Variants in ATIC observed in about 807,000 individuals in gnomAD.
ATIC encodes bifunctional purine biosynthesis protein ATIC.
ATIC carries 64 observed loss-of-function variants against 72.5 expected under a neutral mutation model. The ratio of observed to expected loss-of-function variants is 0.88; its 90% confidence interval spans 0.72 to 1.09. The LOEUF is 1.09. Among genes scored for constraint, ATIC ranks in the 50% least tolerant of loss-of-function variants. ATIC has a pLI of 0.00. For synonymous variants in ATIC, 281 were observed against 267.1 expected, an observed-to-expected ratio of 1.05 and a Z score of -0.51; for missense variants, 787 against 732.4, an observed-to-expected ratio of 1.07 and a Z score of -0.86.
At chr2:215,332,858 A>G (rs769248503) in intron 8 of ATIC, among the ~76,000 whole-genome samples, 5 of 152,162 alleles carry the variant, frequency 3.3e-5, no homozygotes, top group Non-Finnish European at 5.9e-5. Context: ...TTTATCTGAA[A>G]CTTCTTATAG....
the ATIC span, among the ~76,000 whole-genome samples, chr2:215,365,966 A>ATTTTTTTTTTTTTTTTTTTTTTTTTT: frequency 3.3e-5 from 3 of 90,354 alleles, no homozygotes; most frequent in Admixed American, 1.4e-4. Context: ...CCACAGTGCT[A>ATTTTTTTTTTTTTTTTTTTTTTTTTT]TTTTTTTTTT....
the ATIC span, chr2:215,364,663 T>A: frequency 1.7e-6 from 1 of 596,788 alleles, no homozygotes; most frequent in Non-Finnish European, 3.0e-6. Flanking sequence ...CATTCATTCA[T>A]TCTTTCTACT....
At chr2:215,352,656 A>G (rs1274624447), downstream of ATIC, among the ~76,000 whole-genome samples, 2 of 152,198 alleles carry the variant, frequency 1.3e-5, no homozygotes, top group African/African-American at 4.8e-5. Flanking sequence ...TTCAAGTATC[A>G]TACTAAAAGG....
the ATIC span, chr2:215,365,659 A>C: frequency 6.2e-7 from 1 of 1,612,952 alleles, no homozygotes; most frequent in African/African-American, 1.3e-5. Flanking sequence ...TCAGGACCAA[A>C]AAGTTATTTG....
At chr2:215,320,371 A>G (rs1261945907) in intron 4 of ATIC, among the ~76,000 whole-genome samples, 1 of 152,130 alleles carries the variant, frequency 6.6e-6, no homozygotes, top group Non-Finnish European at 1.5e-5. Context: ...AAGCTGGGTA[A>G]TTTATGAAAA....
chr2:215,350,311 A>G (rs559878629), downstream of ATIC, among the ~76,000 whole-genome samples: 1 of 152,014 alleles, frequency 6.6e-6, no homozygotes, highest in East Asian at 1.9e-4. Context: ...TAATTTTTGT[A>G]TTTAGTAGAG....
intron 11 of ATIC, among the ~76,000 whole-genome samples, chr2:215,338,186 A>G (rs184654879): frequency 1.8e-4 from 28 of 152,336 alleles, no homozygotes; most frequent in Admixed American, 1.2e-3. Context: ...TGTTCCACAC[A>G]CCTTAATGTT....
chr2:215,347,763 A>G, intron 14 of ATIC: 1 of 446,982 alleles, frequency 2.2e-6, no homozygotes, highest in South Asian at 1.7e-5. Context: ...TAGTCCTGAA[A>G]GAGTCCTGGA....
intron 7 of ATIC, among the ~76,000 whole-genome samples, chr2:215,328,583 T>C (rs901938224): frequency 3.9e-5 from 6 of 152,102 alleles, no homozygotes; most frequent in African/African-American, 1.2e-4. Flanking sequence ...AGGCCTCACC[T>C]CCTCAGAGAA....
rs756977049 is a variant in ATIC, at chr2:215,312,636, C to G, written c.146+12C>G. 2 of 1,614,120 alleles carry G rather than the reference C, an allele frequency of 1.2e-6. No homozygotes were observed. The highest frequency in any genetic ancestry group is 1.7e-6 in the Non-Finnish European group (2 of 1,180,020). On this transcript the variant is annotated intron_variant, in intron 2 of 15. Coordinates refer to ENST00000236959, the MANE Select transcript of ATIC (RefSeq NM_004044.7). Reference sequence around the variant, plus strand: ...GGTCTGGCAGTCAGGTAAGGCATAGCTAGTTCCATCAGAAAGGAGTGTGAT... The same window carrying G: ...GGTCTGGCAGTCAGGTAAGGCATAGGTAGTTCCATCAGAAAGGAGTGTGAT...
At chr2:215,353,549 TTTGTTG>T (rs370674352), downstream of ATIC, among the ~76,000 whole-genome samples, 1 of 152,074 alleles carries the variant, frequency 6.6e-6, no homozygotes, top group African/African-American at 2.4e-5. Context: ...TGTCTAAGGT[TTTGTTG>T]TTGTTGTTGT....
rs1575115659 is a variant in ATIC, at chr2:215,323,323, T to C, written c.291-1918T>C. Among the ~76,000 whole-genome samples the C allele has an allele frequency of 2.6e-5, 4 of 152,330 alleles. 1 individual carries two copies. Among genetic ancestry groups the C allele is most frequent in the Admixed American group, 2.6e-4 (4 of 15,302 alleles). On this transcript the variant is annotated intron_variant, in intron 4 of 15. Transcript: ENST00000236959. The stretch of plus-strand genomic sequence containing the variant: ...TTTCCACATGATTTTTAGAATCAGC[T>C]TGTCCATTTCTGCAAAACAACGCAG...
the ATIC span, chr2:215,361,195 C>G: frequency 3.7e-6 from 1 of 266,946 alleles, no homozygotes; most frequent in Non-Finnish European, 7.3e-6. Flanking sequence ...GTTTGGGTGA[C>G]TTTCCTACTT....
At chr2:215,318,125 C>T in intron 2 of ATIC, 32 bp from the exon 3 acceptor site, 18 of 1,575,302 alleles carry the variant, frequency 1.1e-5, no homozygotes, top group Non-Finnish European at 1.2e-5. Context: ...TCAGCCACAC[C>T]AGTAGTACCA....
At chr2:215,348,729 G>A (rs1575127189) in intron 14 of ATIC, 6 of 384,640 alleles carry the variant, frequency 1.6e-5, no homozygotes, top group Non-Finnish European at 3.0e-5. Flanking sequence ...TTGGGAGGCC[G>A]AGGTGAGTGG....
chr2:215,312,172 A>G lies in ATIC; in HGVS notation c.19+11A>G, dbSNP rs1325744321. On this transcript the variant is annotated intron_variant, in intron 1 of 15. Coordinates refer to ENST00000236959, the MANE Select transcript of ATIC (RefSeq NM_004044.7). ...CTCCCGGCCAGCTCGGTGAGGCCCT[A>G]GCGGAGCGGCGCGGTCTGCGTCCTC... 1.3e-6 allele frequency: 2 copies of G among 1,507,030 alleles called. No individual in the cohort carries two copies. The highest frequency in any genetic ancestry group is 2.7e-5 in the East Asian group (1 of 37,434). 93.4% of individuals were successfully genotyped at this position (1,507,030 alleles called of 1,614,324 possible). A position where few individuals can be genotyped will look rare whatever the true frequency, so the allele number is the denominator to read the frequency against.
chr2:215,325,738 G>T (rs944118929), intron 5 of ATIC, among the ~76,000 whole-genome samples: 1 of 150,802 alleles, frequency 6.6e-6, no homozygotes, highest in Non-Finnish European at 1.5e-5. Flanking sequence ...AATTTTTTTT[G>T]TATTTTTTAT....
intron 12 of ATIC, 149 bp downstream of exon 12, chr2:215,339,056 C>A: frequency 8.9e-7 from 1 of 1,122,902 alleles, no homozygotes; most frequent in Non-Finnish European, 1.3e-6. Flanking sequence ...GTCACATAAG[C>A]TTTGGAGTTT....
Position 215,339,613 on chromosome 2 carries a change from A to G in ATIC, c.1227+706A>G, listed in dbSNP as rs1308519661. 2.0e-5 allele frequency among the ~76,000 whole-genome samples: 3 copies of G among 152,088 alleles called. No individual in the cohort carries two copies. In the East Asian group the frequency reaches 5.8e-4, roughly 29 times the overall value. On this transcript the variant is annotated intron_variant, in intron 12 of 15. Transcript: ENST00000236959. ...ATGGATATTTATTGTTCTTATTTTTACCCTGATTGATTGATTTATTTTTTT... is the reference window on the plus strand; with the variant it reads ...ATGGATATTTATTGTTCTTATTTTTGCCCTGATTGATTGATTTATTTTTTT...
Sources: allele counts gnomAD v4.1 joint callset (sites outside exome capture counted in the v4.1 genomes callset), GRCh38; gene constraint gnomAD v4.1.1; transcripts MANE v1.5; gene names NCBI Gene and HGNC (gene_info 2026-07-23, HGNC 2026-07-21).